TAOK1: variants seen among roughly 807,000 people sequenced by gnomAD.
The protein encoded by TAOK1 is serine/threonine-protein kinase TAO1.
In TAOK1, 21 loss-of-function variants were observed where a neutral mutation model predicts 138.3. That is an observed-to-expected ratio of 0.15 (90% CI 0.11 to 0.22). The LOEUF (loss-of-function observed/expected upper bound fraction) is 0.22. Ranked by LOEUF, TAOK1 falls within the 10% of genes least tolerant of loss-of-function variation. The pLI, the probability that TAOK1 is intolerant of heterozygous loss-of-function variation, is 1.00. For synonymous variants in TAOK1, 361 were observed against 398.4 expected (o/e 0.91, Z 1.12); for missense variants, 651 against 1,227.7 (o/e 0.53, Z 7.02).
chr17:29,482,330 A>G lies in TAOK1; in HGVS notation c.655+42A>G, dbSNP rs146320511. 6.8e-5 allele frequency: 98 copies of G among 1,449,490 alleles called. No individual in the cohort carries two copies. In the African/African-American group the frequency reaches 1.3e-3, roughly 19 times the overall value. The allele number at this position is 1,449,490 out of a possible 1,614,324, so 89.8% of individuals were successfully genotyped here. A position where few individuals can be genotyped will look rare whatever the true frequency, so the allele number is the denominator to read the frequency against. ...ATTACTATGGATTAAGTTTTGATCA[A>G]TGTTTTACCTCAATTTCTGTACCAA... On this transcript the variant is annotated intron_variant, in intron 8 of 19. Transcript: ENST00000261716.
In TAOK1 at chr17:29,469,825, T is replaced by C; in HGVS notation, c.204+2609T>C. Among the ~76,000 whole-genome samples, 2 of 152,214 alleles carry C rather than the reference T, an allele frequency of 1.3e-5. 1 individual carries two copies. Among genetic ancestry groups the C allele is most frequent in the Non-Finnish European group, 2.9e-5 (2 of 68,022 alleles). The stretch of plus-strand genomic sequence containing the variant: ...TTTTTATGTTAAGGAATACATTTTT[T>C]TGAGTCTGCCTTCCAGATTATTCAA... On this transcript the variant is annotated intron_variant, in intron 3 of 19. Coordinates refer to ENST00000261716, the MANE Select transcript of TAOK1 (RefSeq NM_020791.4).
chr17:29,467,092 C>A, intron 2 of TAOK1, 53 bp from the exon 3 acceptor site: 2 of 1,367,484 alleles, frequency 1.5e-6, no homozygotes. Flanking sequence ...AAATAGTTGC[C>A]TAGATTTCAC....
At chr17:29,519,499 A>G (rs2031878695) in intron 16 of TAOK1, among the ~76,000 whole-genome samples, 1 of 149,936 alleles carries the variant, frequency 6.7e-6, no homozygotes, top group African/African-American at 2.5e-5. Context: ...GGTCTGGGCG[A>G]CAGAGCAAGT....
At position 29,522,468 on chromosome 17, in the gene TAOK1, A is replaced by G. The variant is rs756984651; in HGVS notation, c.2097A>G (p.Glu699=). ...AATATAATAAGCGAAGAGAACGAGA[A>G]CTAAGACGAAAGCATGTCATGGAAG... ...QLEYNKRRER[E]LRRKHVMEVR... is the part of the protein sequence containing the mutation. Residue 699 remains glutamate, a synonymous_variant, in exon 17 of 20, where the codon GAA becomes GAG. Coordinates refer to ENST00000261716, the MANE Select transcript of TAOK1 (RefSeq NM_020791.4). The G allele has an allele frequency of 1.9e-6, 3 of 1,614,104 alleles. No individual in the cohort carries two copies. The African/African-American group carries it at 4.0e-5, about 22-fold the overall frequency.
At chr17:29,480,841 G>T (rs747958151) in intron 7 of TAOK1, among the ~76,000 whole-genome samples, 3 of 125,548 alleles carry the variant, frequency 2.4e-5, no homozygotes, top group Non-Finnish European at 4.6e-5. Flanking sequence ...CTGTACTCCA[G>T]CCTGGGCGAC....
chr17:29,482,480 G>T (rs1316425280), intron 8 of TAOK1, among the ~76,000 whole-genome samples, 192 bp downstream of exon 8: 1 of 151,950 alleles, frequency 6.6e-6, no homozygotes, highest in Non-Finnish European at 1.5e-5. Context: ...TATTATATTT[G>T]CTCTGTTCCA....
intron 1 of TAOK1, 25 bp downstream of exon 1, chr17:29,391,049 A>G (rs1215013582): frequency 7.0e-6 from 1 of 142,018 alleles, no homozygotes; most frequent in Non-Finnish European, 1.5e-5. Context: ...GCTTTGGGAA[A>G]GGGGGATATA....
At chr17:29,409,333 A>ATTTTTTT (rs869195465) in intron 1 of TAOK1, among the ~76,000 whole-genome samples, 1 of 59,056 alleles carries the variant, frequency 1.7e-5, no homozygotes, top group Admixed American at 2.1e-4. Flanking sequence ...ATATATATAT[A>ATTTTTTT]TTTTTTTTTT....
intron 13 of TAOK1, among the ~76,000 whole-genome samples, chr17:29,506,974 C>T (rs2031639215): frequency 6.6e-6 from 1 of 151,974 alleles, no homozygotes; most frequent in African/African-American, 2.4e-5. Context: ...CAAAAACATG[C>T]TAAGTGAAAG....
At chr17:29,457,323 G>A (rs1318135366) in intron 2 of TAOK1, among the ~76,000 whole-genome samples, 2 of 142,152 alleles carry the variant, frequency 1.4e-5, no homozygotes, top group African/African-American at 2.7e-5. Context: ...GGCTGGTCTT[G>A]AACTCCTGAC....
At chr17:29,433,090 T>C (rs934332331) in intron 1 of TAOK1, among the ~76,000 whole-genome samples, 1 of 152,104 alleles carries the variant, frequency 6.6e-6, no homozygotes, top group Non-Finnish European at 1.5e-5. Context: ...TTTGAATTAC[T>C]AGTAATGCAA....
At position 29,495,729 on chromosome 17, in the gene TAOK1, T is replaced by A; in HGVS notation, c.999+2T>A. 1 of 1,588,618 alleles carries A rather than the reference T, an allele frequency of 6.3e-7. No individual in the cohort carries two copies. The highest frequency in any genetic ancestry group is 1.1e-5 in the South Asian group (1 of 87,740). ...GTAGAAGCACAGGAAGAAGAAGAGG[T>A]AAGAGATAAAAAAATGACTCCAATA... is the stretch of plus-strand genomic sequence containing the variant. On this transcript the variant is annotated splice_donor_variant, in intron 11 of 19. Coordinates refer to ENST00000261716, the MANE Select transcript of TAOK1 (RefSeq NM_020791.4). LOFTEE classifies it high-confidence loss of function.
intron 1 of TAOK1, among the ~76,000 whole-genome samples, chr17:29,412,228 A>C (rs939438269): frequency 6.6e-6 from 1 of 152,112 alleles, no homozygotes; most frequent in Admixed American, 6.6e-5. Flanking sequence ...TTTTTAGTAA[A>C]GACGGGGTTT....
At chr17:29,434,767 C>A (rs1241949794) in intron 1 of TAOK1, among the ~76,000 whole-genome samples, 1 of 152,180 alleles carries the variant, frequency 6.6e-6, no homozygotes, top group Admixed American at 6.5e-5. Context: ...CGCTCACCTG[C>A]AATGTGCCTT....
At chr17:29,532,368 TGATCATTC>T (rs2032133516) in intron 18 of TAOK1, among the ~76,000 whole-genome samples, 3 of 150,984 alleles carry the variant, frequency 2.0e-5, no homozygotes, top group South Asian at 2.1e-4. Flanking sequence ...TTTTTTTTTT[TGATCATTC>T]TTGGGTGTTT....
chr17:29,441,038 A>G (rs571361244), intron 1 of TAOK1, among the ~76,000 whole-genome samples: 2 of 152,254 alleles, frequency 1.3e-5, no homozygotes, highest in South Asian at 2.1e-4. Context: ...AATAAGTGCC[A>G]CTTAATCATA....
Position 29,481,297 on chromosome 17 carries a change from G to A in TAOK1, c.563+816G>A, listed in dbSNP as rs151295754. On this transcript the variant is annotated intron_variant, in intron 7 of 19. Coordinates refer to ENST00000261716, the MANE Select transcript of TAOK1 (RefSeq NM_020791.4). ...CAACCTCCGCCTCTTAGGTTCAAGC[G>A]ATTCTCCTGCCTCAGCCTCCTGAGT... Among the ~76,000 whole-genome samples the A allele has an allele frequency of 6.4e-3, 967 of 151,524 alleles. 32 individuals carry two copies. Among genetic ancestry groups the A allele is most frequent in the Admixed American group, 0.043 (656 of 15,174 alleles).
chr17:29,536,427 G>A (rs1370336561), intron 19 of TAOK1, among the ~76,000 whole-genome samples: 5 of 151,908 alleles, frequency 3.3e-5, no homozygotes, highest in Non-Finnish European at 5.9e-5. Flanking sequence ...GTGAAACCCC[G>A]TCTCTACTAA....
intron 1 of TAOK1, among the ~76,000 whole-genome samples, chr17:29,435,295 CAAATGTATGGT>C (rs1348116278): frequency 6.6e-6 from 1 of 152,126 alleles, no homozygotes; most frequent in Non-Finnish European, 1.5e-5. Flanking sequence ...AATTTAATGA[CAAATGTATGGT>C]AAATTTTGGA....
Sources: gnomAD v4.1 joint callset for allele counts (sites outside exome capture counted in the v4.1 genomes callset) on GRCh38, gnomAD v4.1.1 for gene constraint, MANE v1.5 for transcripts, NCBI Gene and HGNC (gene_info 2026-07-23, HGNC 2026-07-21) for gene names.